The following TBR1 variants were observed in gnomAD, a reference collection of about 807,000 sequenced individuals.
TBR1 encodes the protein T-box brain protein 1.
Under a neutral mutation model 60.3 loss-of-function variants are expected in TBR1, and 7 were observed. The observed-to-expected ratio is 0.12, with a 90% confidence interval of 0.07 to 0.22. The LOEUF is 0.22. Among genes scored for constraint, TBR1 ranks in the 10% least tolerant of loss-of-function variants. The probability of loss-of-function intolerance (pLI) is 1.00; values close to 1 mark genes in which losing one functional copy is unlikely to be tolerated. For synonymous variants in TBR1, 417 were observed against 409.9 expected, an observed-to-expected ratio of 1.02 and a Z score of -0.21; for missense variants, 616 against 936.8, an observed-to-expected ratio of 0.66 and a Z score of 4.47.
chr2:161,424,270 G>T lies in TBR1; in HGVS notation c.*43G>T. ...GGCCCCGCCGCGGCCCGGACCCCCA[G>T]CCAGCCCCTCACAGCTCTTCCCCAG... On this transcript the variant is annotated 3_prime_UTR_variant, in exon 6 of 6. Transcript: ENST00000389554. This position sits in a 1 kb window ranked among gnomAD's most constrained non-coding sequence, Gnocchi z 4.4. 1 of 1,506,418 alleles carries T rather than the reference G, an allele frequency of 6.6e-7. No individual in the cohort carries two copies. Among genetic ancestry groups the T allele is most frequent in the Non-Finnish European group, 8.9e-7 (1 of 1,120,392 alleles). 93.3% of individuals were successfully genotyped at this position (1,506,418 alleles called of 1,614,324 possible). A position where few individuals can be genotyped will look rare whatever the true frequency, so the allele number is the denominator to read the frequency against.
intron 3 of TBR1, 86 bp from the exon 4 acceptor site, chr2:161,418,806 G>A (rs944299625): frequency 1.3e-6 from 2 of 1,505,534 alleles, no homozygotes; most frequent in Non-Finnish European, 1.8e-6. Flanking sequence ...CCGCCGGCCC[G>A]GGCGCGCAGC....
At position 161,416,494 on chromosome 2, in the gene TBR1, C is replaced by T. The variant is rs751369418; in HGVS notation, c.84C>T (p.Gly28=). The change falls in exon 1 of 6, where the codon GGC becomes GGT. Residue 28 remains glycine, a synonymous_variant. Transcript: ENST00000389554. The surrounding 1 kb of genome is among the most constrained non-coding windows in gnomAD (Gnocchi z 6.1). ...LNVSSSYPHS[G]GSELVLHDHP... Reference sequence around the variant, plus strand: ...TGAGCAGCAGCTACCCACATTCAGGCGGATCCGAGCTTGTCTTGCACGATC... The same window carrying T: ...TGAGCAGCAGCTACCCACATTCAGGTGGATCCGAGCTTGTCTTGCACGATC... The T allele has an allele frequency of 3.1e-6, 5 of 1,614,014 alleles. No homozygotes were observed. In the South Asian group the frequency reaches 4.4e-5, roughly 14 times the overall value.
chr2:161,416,666 G>T lies in TBR1; in HGVS notation c.256G>T (p.Val86Phe), dbSNP rs200216820. 2.4e-4 allele frequency: 393 copies of T among 1,614,078 alleles called. No homozygotes were observed. The highest frequency in any genetic ancestry group is 3.2e-4 in the Non-Finnish European group (383 of 1,180,032). Residue 86 changes from valine (V) to phenylalanine (F), a missense_variant, in exon 1 of 6, where the codon GTC becomes TTC. Physicochemically the swap from Val to Phe is conservative, Grantham distance 50. Transcript: ENST00000389554. The surrounding 1 kb of genome is among the most constrained non-coding windows in gnomAD (Gnocchi z 6.1). Reference protein sequence around the residue: ...GDVQRSKLSPVLDGVSELRHS... With the variant: ...GDVQRSKLSPFLDGVSELRHS... ...CGTCCAGAGAAGTAAACTCTCTCCT[G>T]TCTTGGACGGGGTCTCTGAGCTTCG...
In TBR1 at chr2:161,425,556, A is replaced by C. The variant is rs1574153517; in HGVS notation, c.*1329A>C. On this transcript the variant is annotated 3_prime_UTR_variant, in exon 6 of 6. Coordinates refer to ENST00000389554, the MANE Select transcript of TBR1 (RefSeq NM_006593.4). ...GCATTAATCCCCCTGGAAATAGATT[A>C]GTAGGATTTCTAATGTTGTGTAGCA... The C allele has an allele frequency of 6.6e-6, 1 of 152,254 alleles. No individual in the cohort carries two copies. The highest frequency in any genetic ancestry group is 1.9e-4 in the East Asian group (1 of 5,208). 9.4% of individuals were successfully genotyped at this position (152,254 alleles called of 1,614,324 possible).
At chr2:161,421,857 T>C (rs897405642) in intron 5 of TBR1, 1 of 152,176 alleles carries the variant, frequency 6.6e-6, no homozygotes, top group Non-Finnish European at 1.5e-5. Context: ...CCCCTCCTCC[T>C]CTGGCTGCCT....
rs1401915662 is a variant in TBR1 at position 161,423,777 on chromosome 2, C to A, written c.1599C>A (p.Gly533=). 1 of 1,478,818 alleles carries A rather than the reference C, an allele frequency of 6.8e-7. No individual in the cohort carries two copies. Among genetic ancestry groups the A allele is most frequent in the Admixed American group, 2.3e-5 (1 of 44,202 alleles). 91.6% of individuals were successfully genotyped at this position (1,478,818 alleles called of 1,614,324 possible). The part of the protein sequence containing the change: ...ALPLQAAGCT[G]RPLGYYADPS... ...CGCTGCAGGCTGCAGGCTGCACTGG[C>A]CGCCCGCTCGGCTACTACGCCGACC... is the stretch of plus-strand genomic sequence containing the variant. Residue 533 remains glycine, a synonymous_variant, in exon 6 of 6, where the codon GGC becomes GGA. Transcript: ENST00000389554.
At position 161,417,528 on chromosome 2, in the gene TBR1, A is replaced by G; in HGVS notation, c.693-148A>G. ...GTTGCACTTCTTTTCTTCTCCCACCACCCTTTTTCTAATCCAGCAAATATT... is the reference window on the plus strand; with the variant it reads ...GTTGCACTTCTTTTCTTCTCCCACCGCCCTTTTTCTAATCCAGCAAATATT... On this transcript the variant is annotated intron_variant, in intron 1 of 5. Transcript: ENST00000389554. The surrounding 1 kb of genome is among the most constrained non-coding windows in gnomAD (Gnocchi z 5.3). 9.4e-7 allele frequency: 1 copy of G among 1,065,722 alleles called. No homozygotes were observed. The highest frequency in any genetic ancestry group is 1.3e-6 in the Non-Finnish European group (1 of 741,210). The allele number at this position is 1,065,722 out of a possible 1,614,324, so 66.0% of individuals were successfully genotyped here.
rs1016680246 is a variant in TBR1, at chr2:161,425,542, C to T, written c.*1315C>T. The T allele has an allele frequency of 4.6e-5, 7 of 152,082 alleles. No individual in the cohort carries two copies. Among genetic ancestry groups the T allele is most frequent in the Admixed American group, 1.3e-4 (2 of 15,260 alleles). The allele number at this position is 152,082 out of a possible 1,614,324, so 9.4% of individuals were successfully genotyped here. A position where few individuals can be genotyped will look rare whatever the true frequency, so the allele number is the denominator to read the frequency against. On this transcript the variant is annotated 3_prime_UTR_variant, in exon 6 of 6. Transcript: ENST00000389554. The stretch of plus-strand genomic sequence containing the variant: ...ATATTTGATAAGGAGCATTAATCCC[C>T]CTGGAAATAGATTAGTAGGATTTCT...
At chr2:161,419,335 TG>T in intron 4 of TBR1, 2 of 383,438 alleles carry the variant, frequency 5.2e-6, no homozygotes, top group South Asian at 6.5e-5. Context: ...AGTTTTAATT[TG>T]GGCTTTGAAC....
chr2:161,417,679 C>T lies in TBR1; in HGVS notation c.696C>T (p.Arg232=). The T allele has an allele frequency of 6.2e-7, 1 of 1,612,062 alleles. No individual in the cohort carries two copies. The highest frequency in any genetic ancestry group is 8.5e-7 in the Non-Finnish European group (1 of 1,179,078). The change falls in exon 2 of 6, where the codon CGC becomes CGT. Residue 232 remains arginine, a synonymous_variant. Coordinates refer to ENST00000389554, the MANE Select transcript of TBR1 (RefSeq NM_006593.4). The surrounding 1 kb of genome is among the most constrained non-coding windows in gnomAD (Gnocchi z 5.3). The stretch of plus-strand genomic sequence containing the variant: ...CCCCACCCCTTAATTTAAATAGGCG[C>T]ATGTTTCCTTTTTTAAGTTTTAACA... ...TEMIITKQGR[R]MFPFLSFNIS...
In TBR1 at chr2:161,423,499, G is replaced by T. The variant is rs778605780; in HGVS notation, c.1321G>T (p.Ala441Ser). 52 of 1,598,632 alleles carry T rather than the reference G, an allele frequency of 3.3e-5. No individual in the cohort carries two copies. Among genetic ancestry groups the T allele is most frequent in the East Asian group, 2.3e-4 (10 of 43,220 alleles). Residue 441 changes from alanine to serine, a missense_variant, in exon 6 of 6, where the codon GCC (alanine) becomes TCC (serine). Coordinates refer to ENST00000389554, the MANE Select transcript of TBR1 (RefSeq NM_006593.4). ...GCAGGACCAGTTCGTGAGCAACTAC[G>T]CCAAGGCCCGCTTCCACCCGGGCGC... Reference protein sequence around the residue: ...FLQDQFVSNYAKARFHPGAGA... With the variant: ...FLQDQFVSNYSKARFHPGAGA...
rs774147328 is a variant in TBR1, at chr2:161,423,413, A to G, written c.1235A>G (p.Asn412Ser). The change falls in exon 6 of 6, where the codon AAC becomes AGC. Residue 412 changes from asparagine to serine, a missense_variant. Asn to Ser is a conservative substitution (Grantham distance 46). Transcript: ENST00000389554. ...CDMDRLTPSP[N>S]DSPRSQIVPG... ...ATGGACCGCCTGACCCCCTCGCCCA[A>G]CGACTCGCCGCGCTCGCAGATCGTG... 1.9e-6 allele frequency: 3 copies of G among 1,590,780 alleles called. No individual in the cohort carries two copies. The highest frequency in any genetic ancestry group is 1.7e-4 in the Middle Eastern group (1 of 6,016).
In TBR1 at chr2:161,423,976, G is replaced by A; in HGVS notation, c.1798G>A (p.Ala600Thr). ...CGAGCGCTCGCCGCTGCCGCCCGGC[G>A]CCGCCGAGGACGCCAAGCCCAAGGA... ...AAERSPLPPG[A>T]AEDAKPKDLS... Residue 600 changes from alanine (A) to threonine (T), a missense_variant, in exon 6 of 6, where the codon GCC becomes ACC. Ala to Thr is a moderately conservative substitution (Grantham distance 58, BLOSUM62 0). Coordinates refer to ENST00000389554, the MANE Select transcript of TBR1 (RefSeq NM_006593.4). 1 of 1,548,868 alleles carries A rather than the reference G, an allele frequency of 6.5e-7. No homozygotes were observed. The highest frequency in any genetic ancestry group is 1.2e-5 in the South Asian group (1 of 83,908).
Position 161,416,535 on chromosome 2 carries a change from CCACTGA to C in TBR1, c.128_133del (p.Thr43_Asp44del). 6.2e-7 allele frequency: 1 copy of C among 1,614,172 alleles called. No homozygotes were observed. The highest frequency in any genetic ancestry group is 1.1e-5 in the South Asian group (1 of 91,076). On this transcript the variant is annotated inframe_deletion, in exon 1 of 6. Transcript: ENST00000389554. The surrounding 1 kb of genome is among the most constrained non-coding windows in gnomAD (Gnocchi z 6.1). ...TTGCACGATCATCCCATTATCTCGA[CCACTGA>C]CAACCTGGAGAGAAGTTCACCTTTG...
At position 161,417,241 on chromosome 2, in the gene TBR1, G is replaced by A. The variant is rs991742393; in HGVS notation, c.692+139G>A. 4 of 874,064 alleles carry A rather than the reference G, an allele frequency of 4.6e-6. No individual in the cohort carries two copies. In the African/African-American group the frequency reaches 6.8e-5, roughly 15 times the overall value. 54.1% of individuals were successfully genotyped at this position (874,064 alleles called of 1,614,324 possible). On this transcript the variant is annotated intron_variant, in intron 1 of 5. Transcript: ENST00000389554. This position sits in a 1 kb window ranked among gnomAD's most constrained non-coding sequence, Gnocchi z 5.3. ...CCTAGAGTTGGCTAGTTTTGGAAAG[G>A]GGGAAAGTGGAAGGGATAACCGCCA...
chr2:161,424,150 G>A lies in TBR1; in HGVS notation c.1972G>A (p.Val658Met). 1 of 1,613,218 alleles carries A rather than the reference G, an allele frequency of 6.2e-7. No homozygotes were observed. Among genetic ancestry groups the A allele is most frequent in the Non-Finnish European group, 8.5e-7 (1 of 1,179,754 alleles). Residue 658 changes from valine to methionine, a missense_variant, in exon 6 of 6, where the codon GTG becomes ATG. Physicochemically the swap from Val to Met is conservative, Grantham distance 21. Coordinates refer to ENST00000389554, the MANE Select transcript of TBR1 (RefSeq NM_006593.4). This position sits in a 1 kb window ranked among gnomAD's most constrained non-coding sequence, Gnocchi z 4.4. ...SESSSPLKSE[V>M]LAQRDCEKNC... ...GAGTTCGTCCCCGCTCAAGAGCGAG[G>A]TGCTGGCCCAGCGGGACTGCGAGAA...
Position 161,423,559 on chromosome 2 carries a change from G to T in TBR1, c.1381G>T (p.Val461Leu). ...CCCCGGGCCGGGTACGGACCGCAGCGTGCCGCACACCAACGGGCTGCTGTC... is the reference window on the plus strand; with the variant it reads ...CCCCGGGCCGGGTACGGACCGCAGCTTGCCGCACACCAACGGGCTGCTGTC... ...AGPGPGTDRS[V>L]PHTNGLLSPQ... is the part of the protein sequence containing the mutation. The change falls in exon 6 of 6, where the codon GTG (valine) becomes TTG (leucine). Residue 461 changes from valine (V) to leucine (L), a missense_variant. By Grantham distance (32) the Val-to-Leu change is conservative. This residue lies in a region of TBR1 where 80 missense variants were observed against 75.3 expected (regional missense o/e 1.06). Coordinates refer to ENST00000389554, the MANE Select transcript of TBR1 (RefSeq NM_006593.4). 3 of 1,558,906 alleles carry T rather than the reference G, an allele frequency of 1.9e-6. No individual in the cohort carries two copies. The highest frequency in any genetic ancestry group is 2.6e-6 in the Non-Finnish European group (3 of 1,156,706).
In TBR1 at chr2:161,425,663, G is replaced by A. The variant is rs989836133; in HGVS notation, c.*1436G>A. ...TCAATCTAGATTCCAGTCCATGGGGGGATTTTTCCTAATAGGAATTCAGGG... is the reference window on the plus strand; with the variant it reads ...TCAATCTAGATTCCAGTCCATGGGGAGATTTTTCCTAATAGGAATTCAGGG... On this transcript the variant is annotated 3_prime_UTR_variant, in exon 6 of 6. Coordinates refer to ENST00000389554, the MANE Select transcript of TBR1 (RefSeq NM_006593.4). The A allele has an allele frequency of 6.6e-6, 1 of 152,122 alleles. No homozygotes were observed. Among genetic ancestry groups the A allele is most frequent in the Non-Finnish European group, 1.5e-5 (1 of 68,024 alleles). 9.4% of individuals were successfully genotyped at this position (152,122 alleles called of 1,614,324 possible). A position where few individuals can be genotyped will look rare whatever the true frequency, so the allele number is the denominator to read the frequency against.
In TBR1 at chr2:161,418,265, C is replaced by G; in HGVS notation, c.912C>G (p.Ile304Met). Residue 304 changes from isoleucine (I) to methionine (M), a missense_variant, in exon 3 of 6, where the codon ATC (isoleucine) becomes ATG (methionine). Around this residue, in one of 8 missense-constraint regions of TBR1, gnomAD observed 85 missense variants for 164.9 expected, o/e 0.52. Coordinates refer to ENST00000389554, the MANE Select transcript of TBR1 (RefSeq NM_006593.4). ...NTGAHWMRQE[I>M]SFGKLKLTNN... ...GGGCTCACTGGATGCGCCAAGAAAT[C>G]TCTTTTGGAAAATTAAAACTTACGA... is the stretch of plus-strand genomic sequence containing the variant. 1 of 1,614,108 alleles carries G rather than the reference C, an allele frequency of 6.2e-7. No individual in the cohort carries two copies. Among genetic ancestry groups the G allele is most frequent in the Non-Finnish European group, 8.5e-7 (1 of 1,180,008 alleles).
Sources: gnomAD v4.1 joint callset for allele counts on GRCh38, gnomAD v4.1.1 for gene constraint, gnomAD v4.1.1 regional missense constraint, Gnocchi (gnomAD v3.1) non-coding constraint, MANE v1.5 for transcripts, NCBI Gene and HGNC (gene_info 2026-07-23, HGNC 2026-07-21) for gene names.